The following NID2 variants were observed in gnomAD, a reference collection of about 807,000 sequenced individuals.
NID2 encodes nidogen 2, also known as nidogen-2.
A neutral mutation model predicts 145.4 loss-of-function variants in NID2; 83 were observed. The ratio of observed to expected loss-of-function variants is 0.57; its 90% CI spans 0.48 to 0.69. The LOEUF (loss-of-function observed/expected upper bound fraction) is 0.69. Ranked by LOEUF, NID2 falls within the 30% of genes least tolerant of loss-of-function variation. The pLI is 0.00. For synonymous variants in NID2, 739 were observed against 701.3 expected (o/e 1.05, Z -0.85); for missense variants, 1,807 against 1,765.7 (o/e 1.02, Z -0.42).
intron 14 of NID2, among the ~76,000 whole-genome samples, chr14:52,017,760 C>T (rs749106241): frequency 5.3e-5 from 8 of 152,138 alleles, no homozygotes; most frequent in African/African-American, 1.4e-4. Context: ...AAACAAAGAG[C>T]GACTATGGAT....
rs774483084 is a variant in NID2, at chr14:52,067,840, A to G, written c.534+18T>C. On this transcript the variant is annotated intron_variant, in intron 2 of 21. Coordinates refer to ENST00000216286, the MANE Select transcript of NID2 (RefSeq NM_007361.4). Reference sequence around the variant, plus strand: ...ATCCTTCAATTTCCTCAGCAGTCAAATATCCCTGGTCACTTACCTCTCCCG... The same window carrying G: ...ATCCTTCAATTTCCTCAGCAGTCAAGTATCCCTGGTCACTTACCTCTCCCG... The G allele has an allele frequency of 2.5e-6, 4 of 1,610,624 alleles. No individual in the cohort carries two copies. Among genetic ancestry groups the G allele is most frequent in the Non-Finnish European group, 3.4e-6 (4 of 1,179,720 alleles).
At chr14:52,012,551 T>A (rs1488225203) in intron 16 of NID2, among the ~76,000 whole-genome samples, 1 of 151,942 alleles carries the variant, frequency 6.6e-6, no homozygotes, top group Non-Finnish European at 1.5e-5. Flanking sequence ...CAAGCCGAGA[T>A]GGTGCCACTG....
intron 14 of NID2, among the ~76,000 whole-genome samples, 199 bp downstream of exon 14, chr14:52,018,862 T>C (rs1243322556): frequency 6.6e-6 from 1 of 152,268 alleles, no homozygotes; most frequent in Non-Finnish European, 1.5e-5. Context: ...TAACAGATCA[T>C]ATGTGTCATG....
chr14:52,011,497 A>G, intron 17 of NID2, 57 bp downstream of exon 17: 1 of 1,609,630 alleles, frequency 6.2e-7, no homozygotes, highest in South Asian at 1.1e-5. Context: ...GGCGTAAAGT[A>G]GACAAGTGAC....
intron 14 of NID2, 114 bp from the exon 15 acceptor site, chr14:52,015,389 G>A: frequency 1.0e-6 from 1 of 997,862 alleles, no homozygotes. Flanking sequence ...TTCTCCTACT[G>A]TCCAGGTCTC....
intron 5 of NID2, among the ~76,000 whole-genome samples, chr14:52,044,160 T>A (rs1892390105): frequency 6.6e-6 from 1 of 151,982 alleles, no homozygotes; most frequent in South Asian, 2.1e-4. Context: ...GACATAGCAT[T>A]ATAGGTACAA....
At chr14:52,055,044 C>G (rs1892801401) in intron 3 of NID2, among the ~76,000 whole-genome samples, 1 of 152,216 alleles carries the variant, frequency 6.6e-6, no homozygotes, top group African/African-American at 2.4e-5. Context: ...TACTGACACC[C>G]AAATGACTAC....
rs778840585 is a variant in NID2, at chr14:52,038,821, C to A, written c.2183G>T (p.Arg728Leu). The change falls in exon 9 of 22, where the codon CGG becomes CTG. Residue 728 changes from arginine to leucine, a missense_variant. By Grantham distance (102) the Arg-to-Leu change is moderately radical (BLOSUM62 -2). Transcript: ENST00000216286. Reference sequence around the variant, plus strand: ...TTCGTCATTATACAAGGCAAAGACCCGGTCCACGTTCAGCTGCTGGGTGGT... The same window carrying A: ...TTCGTCATTATACAAGGCAAAGACCAGGTCCACGTTCAGCTGCTGGGTGGT... Reference protein sequence around the residue: ...FPTTQQLNVDRVFALYNDEER... With the variant: ...FPTTQQLNVDLVFALYNDEER... 1 of 1,613,640 alleles carries A rather than the reference C, an allele frequency of 6.2e-7. No individual in the cohort carries two copies.
intron 9 of NID2, among the ~76,000 whole-genome samples, chr14:52,036,377 G>T (rs1038329647): frequency 2.6e-5 from 4 of 152,098 alleles, no homozygotes; most frequent in Admixed American, 6.5e-5. Flanking sequence ...TAATATTCCA[G>T]TATATGAATA....
Position 52,019,162 on chromosome 14 carries a change from C to G in NID2, c.2927G>C (p.Gly976Ala). The change falls in exon 14 of 22, where the codon GGC becomes GCC. Residue 976 changes from glycine to alanine, a missense_variant. Coordinates refer to ENST00000216286, the MANE Select transcript of NID2 (RefSeq NM_007361.4). ...CACGCACCAGCAGAAACCAGTGCTGCCATGACACTGTAGGGGCAGGAAGTT... is the reference window on the plus strand; with the variant it reads ...CACGCACCAGCAGAAACCAGTGCTGGCATGACACTGTAGGGGCAGGAAGTT... ...QGNFLPLQCH[G>A]STGFCWCVDP... The G allele has an allele frequency of 6.2e-7, 1 of 1,614,116 alleles. No individual in the cohort carries two copies. The highest frequency in any genetic ancestry group is 1.1e-5 in the South Asian group (1 of 91,076).
At position 52,006,638 on chromosome 14, in the gene NID2, T is replaced by A. The variant is rs779106424; in HGVS notation, c.3903A>T (p.Thr1301=). Residue 1301 remains threonine, a synonymous_variant, in exon 20 of 22, where the codon ACA becomes ACT. Coordinates refer to ENST00000216286, the MANE Select transcript of NID2 (RefSeq NM_007361.4). ...ADAGTKKLEC[T]LPDGTGRRVI... ...CACGCCGTCCAGTTCCATCAGGTAG[T>A]GTACACTCCAGTTTTTTGGTTCCTT... The A allele has an allele frequency of 1.9e-5, 30 of 1,613,640 alleles. No homozygotes were observed. The highest frequency in any genetic ancestry group is 2.5e-5 in the Non-Finnish European group (29 of 1,179,716).
At chr14:52,051,051 C>T (rs1400499181) in intron 5 of NID2, among the ~76,000 whole-genome samples, 1 of 152,212 alleles carries the variant, frequency 6.6e-6, no homozygotes, top group East Asian at 1.9e-4. Context: ...AGCATGCTTG[C>T]ACATCCATCT....
intron 5 of NID2, among the ~76,000 whole-genome samples, chr14:52,043,849 A>G (rs61973203): frequency 0.16 from 25,015 of 152,098 alleles, 2,569 homozygotes; most frequent in Non-Finnish European, 0.23. Context: ...AAATATGCCA[A>G]TCCCAAGCAT....
At chr14:52,006,775 A>ACAGT in intron 19 of NID2, 115 bp from the exon 20 acceptor site, 1 of 1,148,902 alleles carries the variant, frequency 8.7e-7, no homozygotes, top group Non-Finnish European at 1.3e-6. Flanking sequence ...TACTTCCATT[A>ACAGT]CAGTCATAGA....
chr14:52,030,804 T>C (rs908376243), intron 9 of NID2, among the ~76,000 whole-genome samples: 1 of 152,132 alleles, frequency 6.6e-6, no homozygotes, highest in African/African-American at 2.4e-5. Context: ...TGAGCCATGA[T>C]TGTGCCACTG....
chr14:52,015,157 G>A lies in NID2; in HGVS notation c.3147C>T (p.Phe1049=). The A allele has an allele frequency of 1.2e-6, 2 of 1,614,170 alleles. No homozygotes were observed. Among genetic ancestry groups the A allele is most frequent in the Non-Finnish European group, 8.5e-7 (1 of 1,180,040 alleles). ...YVPQCDDLGH[F]IPLQCHGKSD... is the part of the protein sequence containing the mutation. ...TCTTTCCGTGGCACTGCAGGGGGATGAAGTGGCCCAGGTCATCGCACTGGG... is the reference window on the plus strand; with the variant it reads ...TCTTTCCGTGGCACTGCAGGGGGATAAAGTGGCCCAGGTCATCGCACTGGG... The change falls in exon 15 of 22, where the codon TTC becomes TTT. Residue 1049 remains phenylalanine, a synonymous_variant. Transcript: ENST00000216286.
At chr14:52,028,281 T>TTG (rs1555363408) in intron 11 of NID2, among the ~76,000 whole-genome samples, 37 of 78,106 alleles carry the variant, frequency 4.7e-4, no homozygotes, top group Middle Eastern at 7.5e-3. Flanking sequence ...TTGTTTTTTT[T>TTG]TTTGTTTTTT....
chr14:52,050,959 G>A (rs1892658456), intron 5 of NID2, among the ~76,000 whole-genome samples: 1 of 152,216 alleles, frequency 6.6e-6, no homozygotes, highest in Non-Finnish European at 1.5e-5. Context: ...GTCAGAGACA[G>A]GTACACGGCA....
rs1296521925 is a variant in NID2 at position 52,042,852 on chromosome 14, G to A, written c.1509C>T (p.Asp503=). ...AGTGGCAGCAGAAGCCAGTGGCATA[G>A]TCCGTGCAGAAGGCATGCCGGGAGC... The part of the protein sequence containing the change: ...RQCSRHAFCT[D]YATGFCCHCQ... Residue 503 remains aspartate, a synonymous_variant, in exon 6 of 22, where the codon GAC becomes GAT. Coordinates refer to ENST00000216286, the MANE Select transcript of NID2 (RefSeq NM_007361.4). 2 of 1,614,154 alleles carry A rather than the reference G, an allele frequency of 1.2e-6. No homozygotes were observed.
Sources: allele counts gnomAD v4.1 joint callset (sites outside exome capture counted in the v4.1 genomes callset), GRCh38; gene constraint gnomAD v4.1.1; transcripts MANE v1.5; gene names NCBI Gene and HGNC (gene_info 2026-07-23, HGNC 2026-07-21).